TSHZ3: variants seen among roughly 807,000 people sequenced by gnomAD.
The protein encoded by TSHZ3 is teashirt zinc finger homeobox 3, also known as teashirt homolog 3.
TSHZ3 carries 10 observed loss-of-function variants against 64.5 expected under a neutral mutation model. The observed-to-expected ratio is 0.16, with a 90% CI of 0.10 to 0.26. TSHZ3 has a LOEUF of 0.26. Among genes scored for constraint, TSHZ3 ranks in the 10% least tolerant of loss-of-function variants. The probability of loss-of-function intolerance (pLI) is 1.00; values close to 1 mark genes in which losing one functional copy is unlikely to be tolerated. For synonymous variants in TSHZ3, 608 were observed against 593.1 expected (o/e 1.03, Z -0.36); for missense variants, 1,242 against 1,421.7 (o/e 0.87, Z 2.03).
chr19:31,164,169 G>A (rs950194856), intron 5 of TSHZ3, among the ~76,000 whole-genome samples: 1 of 152,094 alleles, frequency 6.6e-6, no homozygotes, highest in Admixed American at 6.5e-5. Context: ...TGGAGCAACA[G>A]GAAAGAGAAC....
chr19:31,271,003 G>A (rs982222992), downstream of TSHZ3, among the ~76,000 whole-genome samples: 1 of 152,138 alleles, frequency 6.6e-6, no homozygotes, highest in African/African-American at 2.4e-5. Flanking sequence ...CAGAGGTGGG[G>A]CACTGACACC....
intron 1 of TSHZ3, among the ~76,000 whole-genome samples, chr19:31,322,104 G>A (rs529738168): frequency 5.9e-5 from 9 of 152,104 alleles, no homozygotes; most frequent in Non-Finnish European, 1.0e-4. Context: ...TCTTGTGTTA[G>A]TTTGCTAAGA....
chr19:31,201,468 A>G (rs1440355564), intron 5 of TSHZ3, among the ~76,000 whole-genome samples: 1 of 152,172 alleles, frequency 6.6e-6, no homozygotes, highest in African/African-American at 2.4e-5. Context: ...TGACAAGTTG[A>G]TTTTCTTGAT....
intron 1 of TSHZ3, among the ~76,000 whole-genome samples, chr19:31,255,452 G>C (rs1388354822): frequency 6.6e-6 from 1 of 152,102 alleles, no homozygotes; most frequent in Non-Finnish European, 1.5e-5. Context: ...ATTTGCGTCT[G>C]CCTCAAAATC....
chr19:31,256,373 G>A (rs1002696241), intron 1 of TSHZ3, among the ~76,000 whole-genome samples: 6 of 152,132 alleles, frequency 3.9e-5, no homozygotes, highest in African/African-American at 1.4e-4. Context: ...TTTTCCAGGT[G>A]CAGTAGACAG....
intron 5 of TSHZ3, among the ~76,000 whole-genome samples, chr19:31,188,864 C>T (rs537581252): frequency 1.3e-4 from 19 of 151,814 alleles, no homozygotes; most frequent in African/African-American, 3.1e-4. Context: ...GTGAAAAATT[C>T]GTATTTTTTG....
At position 31,279,344 on chromosome 19, in the gene TSHZ3, C is replaced by CTGCTGCCGT; in HGVS notation, c.440_448dup (p.Asn147_Ser149dup). The CTGCTGCCGT allele has an allele frequency of 6.2e-7, 1 of 1,613,988 alleles. No homozygotes were observed. ...GCTGCTGCTGCTACTGCTGCTGCTG[C>CTGCTGCCGT]TGCTGCCGTTGTTCTTCTCCGAGGA... On this transcript the variant is annotated inframe_insertion, in exon 2 of 2. Coordinates refer to ENST00000240587, the MANE Select transcript of TSHZ3 (RefSeq NM_020856.4). This position sits in a 1 kb window ranked among gnomAD's most constrained non-coding sequence, Gnocchi z 6.4.
chr19:31,300,039 T>C (rs1175781917), intron 1 of TSHZ3, among the ~76,000 whole-genome samples: 4 of 152,184 alleles, frequency 2.6e-5, no homozygotes, highest in Non-Finnish European at 5.9e-5. Context: ...CAGAGAAGTA[T>C]GTGTGTATGT....
intron 1 of TSHZ3, among the ~76,000 whole-genome samples, chr19:31,338,149 C>T (rs919857268): frequency 2.6e-5 from 4 of 152,156 alleles, no homozygotes; most frequent in Non-Finnish European, 5.9e-5. Flanking sequence ...GCTGCAAGGC[C>T]TCTTGCAGCA....
At chr19:31,237,121 C>T (rs929105173) in intron 3 of TSHZ3, among the ~76,000 whole-genome samples, 1 of 152,170 alleles carries the variant, frequency 6.6e-6, no homozygotes, top group African/African-American at 2.4e-5. Flanking sequence ...GCACTCCAGA[C>T]TGGGAGACAG....
chr19:31,280,971 C>T (rs1976351188), intron 1 of TSHZ3, among the ~76,000 whole-genome samples: 1 of 152,166 alleles, frequency 6.6e-6, no homozygotes, highest in African/African-American at 2.4e-5. Context: ...GAGGAGTGGC[C>T]AGCCCTGTGG....
At chr19:31,190,280 C>A (rs2145137013) in intron 5 of TSHZ3, among the ~76,000 whole-genome samples, 1 of 152,232 alleles carries the variant, frequency 6.6e-6, no homozygotes, top group East Asian at 1.9e-4. Flanking sequence ...CACATGGTAT[C>A]ACTTTACAAG....
chr19:31,162,503 C>T (rs781594927), intron 5 of TSHZ3, among the ~76,000 whole-genome samples: 3 of 151,942 alleles, frequency 2.0e-5, no homozygotes, highest in Admixed American at 6.6e-5. Flanking sequence ...GGCTTTTTTC[C>T]GACTTTCTTG....
chr19:31,191,729 C>T lies in TSHZ3; in HGVS notation n.809+13227G>A, dbSNP rs147648987. Among the ~76,000 whole-genome samples the T allele has an allele frequency of 6.3e-3, 963 of 151,908 alleles. 16 individuals are homozygous for T. The highest frequency in any genetic ancestry group is 0.022 in the African/African-American group (917 of 41,408). On this transcript the variant is annotated intron_variant and non_coding_transcript_variant, in intron 5 of 6. Transcript: ENST00000651361. ...AAAAAATTAGCCGGGCATGGTGGCA[C>T]GTGGCTGTAGTCCCAGCTATTTGGG...
chr19:31,262,589 T>C (rs1369858897), intron 1 of TSHZ3, among the ~76,000 whole-genome samples: 1 of 152,240 alleles, frequency 6.6e-6, no homozygotes, highest in Non-Finnish European at 1.5e-5. Context: ...AAAAAATATA[T>C]ACCGTGGAGA....
intron 4 of TSHZ3, among the ~76,000 whole-genome samples, chr19:31,226,495 C>A (rs935270696): frequency 4.6e-5 from 7 of 152,136 alleles, no homozygotes; most frequent in Non-Finnish European, 8.8e-5. Flanking sequence ...GATTGTGAGG[C>A]CTCCCCAGCC....
chr19:31,309,326 T>C (rs1003258037), intron 1 of TSHZ3, among the ~76,000 whole-genome samples: 2 of 152,130 alleles, frequency 1.3e-5, no homozygotes, highest in African/African-American at 4.8e-5. Context: ...AGATTCGGAA[T>C]TCCTTGCCTG....
chr19:31,259,723 T>A (rs1334369465), intron 1 of TSHZ3, among the ~76,000 whole-genome samples: 1 of 152,144 alleles, frequency 6.6e-6, no homozygotes, highest in Admixed American at 6.5e-5. Flanking sequence ...ATGCTGGGTG[T>A]AGACGGCAGC....
intron 1 of TSHZ3, among the ~76,000 whole-genome samples, chr19:31,347,510 A>G (rs907146824): frequency 6.6e-5 from 10 of 152,222 alleles, no homozygotes; most frequent in Non-Finnish European, 1.5e-4. Context: ...CTACTACTCA[A>G]CTTTGTGAAG....
Sources: gnomAD v4.1 joint callset for allele counts (sites outside exome capture counted in the v4.1 genomes callset) on GRCh38, gnomAD v4.1.1 for gene constraint, Gnocchi (gnomAD v3.1) non-coding constraint, MANE v1.5 for transcripts, NCBI Gene and HGNC (gene_info 2026-07-23, HGNC 2026-07-21) for gene names.